Variants in NDUFAF7 observed in about 807,000 individuals in gnomAD.
The protein encoded by NDUFAF7 is protein arginine methyltransferase NDUFAF7, mitochondrial.
In NDUFAF7, 48 loss-of-function variants were observed where a neutral mutation model predicts 47.2. The observed-to-expected ratio is 1.02, with a 90% CI of 0.81 to 1.29. The LOEUF is 1.29. Ranked by LOEUF, NDUFAF7 falls within the 50% of genes most tolerant of loss-of-function variation. The pLI is 0.00. For synonymous variants in NDUFAF7, 217 were observed against 190.0 expected, an observed-to-expected ratio of 1.14 and a Z score of -1.17; for missense variants, 635 against 537.6, an observed-to-expected ratio of 1.18 and a Z score of -1.79.
downstream of NDUFAF7, chr2:37,250,430 G>A (rs957492559): frequency 2.6e-5 from 4 of 151,934 alleles, no homozygotes; most frequent in African/African-American, 9.7e-5. Flanking sequence ...TATAACAGTT[G>A]GATAATTTGG....
At position 37,243,866 on chromosome 2, in the gene NDUFAF7, A is replaced by C; in HGVS notation, c.685A>C (p.Thr229Pro). ...TTATGTGTTATTTTGTGTTTAGAAA[A>C]CACCACAGGGATGGCGAGAAGTATT... The part of the protein sequence containing the change: ...DVLPVHKFQK[T>P]PQGWREVFVD... Residue 229 changes from threonine (T) to proline (P), a missense_variant, in exon 7 of 10, where the codon ACA becomes CCA. By Grantham distance (38) the Thr-to-Pro change is conservative. Transcript: ENST00000002125. 6.2e-7 allele frequency: 1 copy of C among 1,613,858 alleles called. No individual in the cohort carries two copies. The highest frequency in any genetic ancestry group is 8.5e-7 in the Non-Finnish European group (1 of 1,179,852).
the NDUFAF7 span, chr2:37,268,935 G>C: frequency 2.6e-5 from 4 of 153,028 alleles, no homozygotes; most frequent in African/African-American, 9.6e-5. Context: ...TTTTCTGAAA[G>C]ATTGACTCTA....
chr2:37,238,709 C>T (rs1296247421), intron 4 of NDUFAF7, among the ~76,000 whole-genome samples: 1 of 151,600 alleles, frequency 6.6e-6, no homozygotes, highest in Non-Finnish European at 1.5e-5. Context: ...CTTCAGAGAC[C>T]CCATTAAGAG....
rs1331189367 is a variant in NDUFAF7, at chr2:37,242,708, A to G, written c.681+15A>G. On this transcript the variant is annotated intron_variant, in intron 6 of 9. Transcript: ENST00000002125. Reference sequence around the variant, plus strand: ...ATAAATTTCAGGTATTGAGGGGGGAAAAAAGTCATGTCTATAATTGAATAC... The same window carrying G: ...ATAAATTTCAGGTATTGAGGGGGGAGAAAAGTCATGTCTATAATTGAATAC... 6 of 1,564,632 alleles carry G rather than the reference A, an allele frequency of 3.8e-6. No homozygotes were observed. The African/African-American group carries it at 4.1e-5, about 11-fold the overall frequency.
chr2:37,247,394 A>T (rs1667042328), intron 8 of NDUFAF7, 62 bp from the exon 9 acceptor site: 3 of 1,559,698 alleles, frequency 1.9e-6, no homozygotes, highest in Non-Finnish European at 1.8e-6. Context: ...CTTTAATATG[A>T]TAGCATTTCT....
chr2:37,242,590 C>A, intron 5 of NDUFAF7, 45 bp from the exon 6 acceptor site: 3 of 1,441,938 alleles, frequency 2.1e-6, no homozygotes, highest in South Asian at 1.2e-5. Flanking sequence ...AGAATTAATT[C>A]CTGTGAAATG....
At chr2:37,247,338 A>G in intron 8 of NDUFAF7, 118 bp from the exon 9 acceptor site, 1 of 1,220,168 alleles carries the variant, frequency 8.2e-7, no homozygotes, top group East Asian at 2.5e-5. Context: ...AGAATTAATG[A>G]GAGCTCTATT....
At chr2:37,264,828 T>G in the NDUFAF7 span, among the ~76,000 whole-genome samples, 2 of 152,170 alleles carry the variant, frequency 1.3e-5, no homozygotes, top group Non-Finnish European at 2.9e-5. Context: ...TCATAAAGAA[T>G]AATCACAGGT....
At chr2:37,269,528 T>G in the NDUFAF7 span, 2 of 1,185,104 alleles carry the variant, frequency 1.7e-6, no homozygotes, top group Non-Finnish European at 2.5e-6. Flanking sequence ...GACAAAACTA[T>G]GAGATGACAA....
At chr2:37,238,985 C>T (rs1054889168) in intron 4 of NDUFAF7, among the ~76,000 whole-genome samples, 1 of 151,728 alleles carries the variant, frequency 6.6e-6, no homozygotes, top group African/African-American at 2.4e-5. Flanking sequence ...CTACTGTAAC[C>T]CTTGCCAGAT....
the NDUFAF7 span, among the ~76,000 whole-genome samples, chr2:37,261,258 A>G: frequency 6.6e-6 from 1 of 152,080 alleles, no homozygotes; most frequent in Admixed American, 6.5e-5. Flanking sequence ...AAGCCGAGGC[A>G]GGTGGATCAT....
At chr2:37,256,329 T>C (rs1667932558), downstream of NDUFAF7, among the ~76,000 whole-genome samples, 1 of 152,114 alleles carries the variant, frequency 6.6e-6, no homozygotes, top group African/African-American at 2.4e-5. Context: ...ATGAAAGTAA[T>C]GTTTCCTGAA....
chr2:37,264,601 G>A, the NDUFAF7 span, among the ~76,000 whole-genome samples: 5 of 152,248 alleles, frequency 3.3e-5, no homozygotes, highest in East Asian at 9.6e-4. Flanking sequence ...AATCCTGACG[G>A]AGACAAGGGA....
chr2:37,262,468 T>C, the NDUFAF7 span, among the ~76,000 whole-genome samples: 1 of 152,196 alleles, frequency 6.6e-6, no homozygotes, highest in African/African-American at 2.4e-5. Context: ...TGTTTGCTAA[T>C]CATTTTAAAC....
chr2:37,239,596 C>T (rs895186961), intron 4 of NDUFAF7, among the ~76,000 whole-genome samples: 2 of 152,076 alleles, frequency 1.3e-5, no homozygotes, highest in African/African-American at 4.8e-5. Flanking sequence ...AAAATAACAG[C>T]ACAAATGCCC....
At chr2:37,271,041 A>T in the NDUFAF7 span, among the ~76,000 whole-genome samples, 1 of 152,214 alleles carries the variant, frequency 6.6e-6, no homozygotes, top group Non-Finnish European at 1.5e-5. Flanking sequence ...CTCATAGATT[A>T]TATCTCTGAA....
At chr2:37,244,114 G>T in intron 7 of NDUFAF7, 141 bp downstream of exon 7, 1 of 726,982 alleles carries the variant, frequency 1.4e-6, no homozygotes, top group Non-Finnish European at 2.3e-6. Flanking sequence ...TATTGACAGT[G>T]AAAGTGCAGA....
intron 5 of NDUFAF7, 192 bp from the exon 6 acceptor site, chr2:37,242,443 C>T (rs902072285): frequency 6.4e-6 from 3 of 472,206 alleles, no homozygotes; most frequent in Non-Finnish European, 1.1e-5. Flanking sequence ...ATTTTCTGAC[C>T]CCATTTATGT....
rs908169958 is a variant in NDUFAF7 at position 37,243,812 on chromosome 2, G to C, written c.682-51G>C. 2.2e-6 allele frequency: 3 copies of C among 1,369,380 alleles called. No individual in the cohort carries two copies. The East Asian group carries it at 7.0e-5, about 32-fold the overall frequency. The allele number at this position is 1,369,380 out of a possible 1,614,324, so 84.8% of individuals were successfully genotyped here. A position where few individuals can be genotyped will look rare whatever the true frequency, so the allele number is the denominator to read the frequency against. The stretch of plus-strand genomic sequence containing the variant: ...AAAAGCTATTTTTGGTAGAAGCAAT[G>C]TAGAGAACAAACTTGCAAAAATTTG... On this transcript the variant is annotated intron_variant, in intron 6 of 9. Coordinates refer to ENST00000002125, the MANE Select transcript of NDUFAF7 (RefSeq NM_144736.5).
Sources: allele counts gnomAD v4.1 joint callset (sites outside exome capture counted in the v4.1 genomes callset), GRCh38; gene constraint gnomAD v4.1.1; transcripts MANE v1.5; gene names NCBI Gene and HGNC (gene_info 2026-07-23, HGNC 2026-07-21).